Variants in PRTFDC1 observed in about 807,000 individuals in gnomAD.
PRTFDC1 encodes the protein phosphoribosyltransferase domain-containing protein 1.
A neutral mutation model predicts 34.6 loss-of-function variants in PRTFDC1; 38 were observed. The observed-to-expected ratio is 1.10, with a 90% confidence interval of 0.85 to 1.44. PRTFDC1 has a LOEUF of 1.44. Ranked by LOEUF, PRTFDC1 falls within the 40% of genes most tolerant of loss-of-function variation. The pLI is 0.00. For synonymous variants in PRTFDC1, 93 were observed against 98.1 expected (o/e 0.95, Z 0.31); for missense variants, 270 against 283.0 (o/e 0.95, Z 0.33).
At position 24,940,404 on chromosome 10, in the gene PRTFDC1, T is replaced by C. The variant is rs959709827; in HGVS notation, c.155+1926A>G. Among the ~76,000 whole-genome samples, 7 of 152,242 alleles carry C rather than the reference T, an allele frequency of 4.6e-5. No individual in the cohort carries two copies. The South Asian group carries it at 8.3e-4, about 18-fold the overall frequency. On this transcript the variant is annotated intron_variant, in intron 2 of 8. Coordinates refer to ENST00000320152, the MANE Select transcript of PRTFDC1 (RefSeq NM_020200.7). ...GAAGATGAACAATTGAATTTAAAAA[T>C]TGGCAAAAGACTTGAAAAGACCTCT...
Position 24,852,965 on chromosome 10 carries a change from G to T in PRTFDC1, c.554-1501C>A, listed in dbSNP as rs1039976726. ...AGGAAAATAAGTACTAGAGGTGAGGGACTTATTTTCTAGGGGGTTGCATTA... is the reference window on the plus strand; with the variant it reads ...AGGAAAATAAGTACTAGAGGTGAGGTACTTATTTTCTAGGGGGTTGCATTA... On this transcript the variant is annotated intron_variant, in intron 7 of 8. Coordinates refer to ENST00000320152, the MANE Select transcript of PRTFDC1 (RefSeq NM_020200.7). 9.9e-5 allele frequency among the ~76,000 whole-genome samples: 15 copies of T among 151,960 alleles called. No homozygotes were observed. In the East Asian group the frequency reaches 2.9e-3, roughly 29 times the overall value.
chr10:24,949,817 C>T (rs1417172073), intron 1 of PRTFDC1, among the ~76,000 whole-genome samples: 3 of 151,544 alleles, frequency 2.0e-5, no homozygotes, highest in African/African-American at 7.3e-5. Context: ...TTGCTGCAAC[C>T]TCCACCTTCC....
intron 3 of PRTFDC1, among the ~76,000 whole-genome samples, chr10:24,889,447 G>A (rs1848225136): frequency 6.6e-6 from 1 of 152,122 alleles, no homozygotes; most frequent in Non-Finnish European, 1.5e-5. Flanking sequence ...ACTTCTCAAA[G>A]TTACATAAGG....
intron 4 of PRTFDC1, among the ~76,000 whole-genome samples, chr10:24,866,639 C>T (rs537779758): frequency 2.2e-4 from 34 of 152,148 alleles, no homozygotes; most frequent in Non-Finnish European, 4.4e-4. Context: ...ACAGCTTAAA[C>T]ACACCGAATA....
intron 3 of PRTFDC1, among the ~76,000 whole-genome samples, chr10:24,876,555 A>T (rs1296985121): frequency 1.3e-5 from 2 of 151,718 alleles, no homozygotes; most frequent in South Asian, 2.1e-4. Context: ...TTAGCCAGGT[A>T]TGTTGGTGCA....
intron 4 of PRTFDC1, 102 bp downstream of exon 4, chr10:24,871,896 C>T: frequency 1.0e-6 from 1 of 965,564 alleles, no homozygotes; most frequent in Non-Finnish European, 1.6e-6. Context: ...AATTGGAAAA[C>T]CCGGGAGCAT....
intron 3 of PRTFDC1, among the ~76,000 whole-genome samples, chr10:24,921,092 T>C (rs1023442698): frequency 1.4e-5 from 2 of 143,262 alleles, no homozygotes; most frequent in African/African-American, 5.7e-5. Flanking sequence ...TTACAAGTGA[T>C]TAAAAAAAAA....
At chr10:24,912,898 C>G (rs746353866) in intron 3 of PRTFDC1, among the ~76,000 whole-genome samples, 4 of 152,226 alleles carry the variant, frequency 2.6e-5, no homozygotes, top group South Asian at 4.2e-4. Flanking sequence ...CCTGAGTGAG[C>G]CTTTTAACCC....
chr10:24,880,631 T>G (rs1848050691), intron 3 of PRTFDC1, among the ~76,000 whole-genome samples: 1 of 152,180 alleles, frequency 6.6e-6, no homozygotes, highest in African/African-American at 2.4e-5. Context: ...AGGCATATGG[T>G]TAAGAAGGAC....
chr10:24,856,952 T>C lies in PRTFDC1; in HGVS notation c.467A>G (p.Asn156Ser), dbSNP rs752705114. Residue 156 changes from asparagine (N) to serine (S), a missense_variant, in exon 6 of 9, where the codon AAT becomes AGT. Transcript: ENST00000320152. ...TGRTMKALLS[N>S]IEKYKPNMIK... Reference sequence around the variant, plus strand: ...CATGTTGGGCTTGTATTTCTCTATATTGCTGAGTAGTGCTTTCATGGTCCT... The same window carrying C: ...CATGTTGGGCTTGTATTTCTCTATACTGCTGAGTAGTGCTTTCATGGTCCT... 2 of 1,613,720 alleles carry C rather than the reference T, an allele frequency of 1.2e-6. No homozygotes were observed. Among genetic ancestry groups the C allele is most frequent in the Admixed American group, 3.3e-5 (2 of 59,996 alleles).
Position 24,878,728 on chromosome 10 carries a change from AC to A in PRTFDC1, c.340-6666del, listed in dbSNP as rs571281281. ...TGCTTTGAGAACATTCAGGAAAAAA[AC>A]AAACCGAGGAAGAATACATATCCTA... On this transcript the variant is annotated intron_variant, in intron 3 of 8. Coordinates refer to ENST00000320152, the MANE Select transcript of PRTFDC1 (RefSeq NM_020200.7). 1.2e-4 allele frequency among the ~76,000 whole-genome samples: 19 copies of A among 152,324 alleles called. No individual in the cohort carries two copies. In the East Asian group the frequency reaches 2.7e-3, roughly 22 times the overall value.
intron 7 of PRTFDC1, among the ~76,000 whole-genome samples, chr10:24,853,763 A>T (rs1847530728): frequency 6.6e-6 from 1 of 152,192 alleles, no homozygotes. Context: ...AAAACTTGAG[A>T]TGTCATAGAA....
chr10:24,886,759 G>A (rs373641241), intron 3 of PRTFDC1, among the ~76,000 whole-genome samples: 6 of 152,066 alleles, frequency 3.9e-5, no homozygotes, highest in Admixed American at 2.6e-4. Flanking sequence ...TTGCAGGTGC[G>A]TGCCACCATG....
At position 24,849,620 on chromosome 10, in the gene PRTFDC1, T is replaced by G; in HGVS notation, c.*224A>C. 1 of 491,598 alleles carries G rather than the reference T, an allele frequency of 2.0e-6. No individual in the cohort carries two copies. Among genetic ancestry groups the G allele is most frequent in the Non-Finnish European group, 3.6e-6 (1 of 275,960 alleles). 30.5% of individuals were successfully genotyped at this position (491,598 alleles called of 1,614,324 possible). A position where few individuals can be genotyped will look rare whatever the true frequency, so the allele number is the denominator to read the frequency against. ...CATTGCTGAGTCACAAGGCGGAGTG[T>G]TTAATTTGGAACAAGTCAAATAAAA... On this transcript the variant is annotated 3_prime_UTR_variant, in exon 9 of 9. Transcript: ENST00000320152.
intron 3 of PRTFDC1, among the ~76,000 whole-genome samples, chr10:24,893,270 C>CTT (rs755224388): frequency 6.6e-5 from 10 of 151,442 alleles, no homozygotes; most frequent in Non-Finnish European, 1.5e-4. Flanking sequence ...CTCTCTCTCT[C>CTT]TTTCTCTCTC....
At chr10:24,897,952 G>A (rs1443074998) in intron 3 of PRTFDC1, among the ~76,000 whole-genome samples, 1 of 152,220 alleles carries the variant, frequency 6.6e-6, no homozygotes, top group East Asian at 1.9e-4. Flanking sequence ...ATGGTGCAGG[G>A]CGTCTTTAAA....
chr10:24,941,372 AT>A (rs61097435), intron 2 of PRTFDC1, among the ~76,000 whole-genome samples: 56,796 of 145,638 alleles, frequency 0.39, 11,694 homozygotes, highest in Middle Eastern at 0.53. Context: ...TTACATCTTA[AT>A]TTTTTTTTTT....
intron 4 of PRTFDC1, among the ~76,000 whole-genome samples, chr10:24,871,030 C>A (rs1847859526): frequency 6.9e-6 from 1 of 144,418 alleles, no homozygotes; most frequent in African/African-American, 2.6e-5. Context: ...TGAGATCACG[C>A]CAGTGCACTC....
rs562643899 is a variant in PRTFDC1, at chr10:24,913,151, C to T, written c.339+24033G>A. Among the ~76,000 whole-genome samples the T allele has an allele frequency of 6.8e-4, 103 of 152,298 alleles. 1 individual carries two copies. In the South Asian group the frequency reaches 0.02, roughly 30 times the overall value. On this transcript the variant is annotated intron_variant, in intron 3 of 8. Coordinates refer to ENST00000320152, the MANE Select transcript of PRTFDC1 (RefSeq NM_020200.7). ...TGGCAGCCACTTTATGGAGAAAACA[C>T]GAACTTCACTAGGGCTGCCCAGCTT...
Sources: gnomAD v4.1 joint callset for allele counts (sites outside exome capture counted in the v4.1 genomes callset) on GRCh38, gnomAD v4.1.1 for gene constraint, MANE v1.5 for transcripts, NCBI Gene and HGNC (gene_info 2026-07-23, HGNC 2026-07-21) for gene names.